The following CDH13 variants were observed in gnomAD, a reference collection of about 807,000 sequenced individuals.
CDH13 encodes the protein cadherin-13.
A neutral mutation model predicts 63.8 loss-of-function variants in CDH13; 24 were observed. The ratio of observed to expected loss-of-function variants is 0.38; its 90% CI spans 0.27 to 0.53. The LOEUF is 0.53. CDH13 is among the 20% of genes least tolerant of loss of function. CDH13 has a pLI of 0.85. For synonymous variants in CDH13, 503 were observed against 355.3 expected (o/e 1.42, Z -4.67); for missense variants, 1,049 against 903.1 (o/e 1.16, Z -2.07).
chr16:82,880,937 G>A (rs777650002), intron 2 of CDH13, among the ~76,000 whole-genome samples: 4 of 152,006 alleles, frequency 2.6e-5, no homozygotes, highest in Middle Eastern at 3.2e-3. Context: ...AAAACCAATG[G>A]GATAAACTTT....
intron 8 of CDH13, among the ~76,000 whole-genome samples, chr16:83,632,678 C>A (rs1490349854): frequency 6.7e-6 from 1 of 149,170 alleles, no homozygotes; most frequent in African/African-American, 2.5e-5. Context: ...AGATCCAGAT[C>A]CCAAGAGAGT....
intron 6 of CDH13, among the ~76,000 whole-genome samples, chr16:83,485,161 G>A (rs2073857854): frequency 6.6e-6 from 1 of 152,216 alleles, no homozygotes; most frequent in Non-Finnish European, 1.5e-5. Flanking sequence ...CCCTGTTGAT[G>A]AACAGCTAGG....
At chr16:83,065,339 C>T (rs1226004005) in intron 3 of CDH13, among the ~76,000 whole-genome samples, 3 of 152,244 alleles carry the variant, frequency 2.0e-5, no homozygotes, top group East Asian at 1.9e-4. Context: ...ATGTTGAATG[C>T]TGGTACAAAG....
intron 1 of CDH13, among the ~76,000 whole-genome samples, chr16:82,833,609 A>G (rs1188818121): frequency 6.6e-6 from 1 of 152,206 alleles, no homozygotes; most frequent in Non-Finnish European, 1.5e-5. Context: ...ATGAAGATGG[A>G]AAATGATTCC....
chr16:83,700,948 G>T (rs904136466), intron 10 of CDH13, among the ~76,000 whole-genome samples: 1 of 152,040 alleles, frequency 6.6e-6, no homozygotes, highest in African/African-American at 2.4e-5. Context: ...TGTTTAAGAG[G>T]AATCTATTTA....
Position 83,146,193 on chromosome 16 carries a change from C to CAAAAAAA in CDH13, c.483+20703_483+20709dup, listed in dbSNP as rs749952847. Among the ~76,000 whole-genome samples, 233 of 97,420 alleles carry CAAAAAAA rather than the reference C, an allele frequency of 2.4e-3. 2 individuals carry two copies. The highest frequency in any genetic ancestry group is 8.4e-3 in the East Asian group (25 of 2,962). The allele number at this position is 97,420 out of a possible 152,430, so 63.9% of individuals were successfully genotyped here. On this transcript the variant is annotated intron_variant, in intron 4 of 13. Coordinates refer to ENST00000567109, the MANE Select transcript of CDH13 (RefSeq NM_001257.5). Reference sequence around the variant, plus strand: ...TGGGCGACAGAGCAAGACTCTGTCTCAAAAAAAAAAAAAAAAAGAAAAGAA... The same window carrying CAAAAAAA: ...TGGGCGACAGAGCAAGACTCTGTCTCAAAAAAAAAAAAAAAAAAAAAAAAGAAAAGAA...
At position 83,332,335 on chromosome 16, in the gene CDH13, T is replaced by C. The variant is rs530926173; in HGVS notation, c.637-12527T>C. On this transcript the variant is annotated intron_variant, in intron 5 of 13. Transcript: ENST00000567109. ...TATTCAATGACTTTATTCCTCCTAA[T>C]ACTTAAATCCATCTGGAATTCATTA... Among the ~76,000 whole-genome samples, 10 of 152,278 alleles carry C rather than the reference T, an allele frequency of 6.6e-5. No individual in the cohort carries two copies. The East Asian group carries it at 1.9e-3, about 29-fold the overall frequency.
chr16:83,367,212 T>C (rs1597843783), intron 6 of CDH13, among the ~76,000 whole-genome samples: 1 of 152,214 alleles, frequency 6.6e-6, no homozygotes, highest in African/African-American at 2.4e-5. Flanking sequence ...TTCATATAAA[T>C]GCAGTCATGC....
At position 83,460,987 on chromosome 16, in the gene CDH13, ACACACACG is replaced by A. The variant is rs1301920118; in HGVS notation, c.782-25482_782-25475del. Among the ~76,000 whole-genome samples the A allele has an allele frequency of 3.3e-3, 394 of 120,150 alleles. 1 individual carries two copies. The highest frequency in any genetic ancestry group is 0.011 in the African/African-American group (373 of 32,800). 78.8% of individuals were successfully genotyped at this position (120,150 alleles called of 152,430 possible). ...AGAATTAGACCTTGTCTCAAAACAC[ACACACACG>A]CACACACACACACACACACACACAC... On this transcript the variant is annotated intron_variant, in intron 6 of 13. Transcript: ENST00000567109.
At chr16:83,647,077 G>A (rs973767184) in intron 8 of CDH13, among the ~76,000 whole-genome samples, 6 of 152,032 alleles carry the variant, frequency 3.9e-5, no homozygotes, top group South Asian at 2.1e-4. Flanking sequence ...TTGGGAGGCC[G>A]AGGAGGGCGG....
chr16:83,348,621 G>A (rs988731226), intron 6 of CDH13, among the ~76,000 whole-genome samples: 2 of 152,188 alleles, frequency 1.3e-5, no homozygotes, highest in African/African-American at 4.8e-5. Flanking sequence ...TACACTGAGC[G>A]TCACAAATTA....
At chr16:83,660,714 T>C (rs1329013857) in intron 8 of CDH13, among the ~76,000 whole-genome samples, 1 of 152,246 alleles carries the variant, frequency 6.6e-6, no homozygotes, top group East Asian at 1.9e-4. Context: ...TTATTGTTTC[T>C]TGAAAAGCCA....
chr16:82,842,522 C>G (rs1186611715), intron 1 of CDH13, among the ~76,000 whole-genome samples: 1 of 152,014 alleles, frequency 6.6e-6, no homozygotes, highest in Non-Finnish European at 1.5e-5. Flanking sequence ...AGTGACCTTA[C>G]TCACCCCTCC....
In CDH13 at chr16:83,347,251, G is replaced by A. The variant is rs77629282; in HGVS notation, c.781+2245G>A. On this transcript the variant is annotated intron_variant, in intron 6 of 13. Coordinates refer to ENST00000567109, the MANE Select transcript of CDH13 (RefSeq NM_001257.5). ...ACCCTAACTGGCTATAAAAATGATC[G>A]TCTCTTGTATTTCCATTATGCTCTG... Among the ~76,000 whole-genome samples the A allele has an allele frequency of 3.8e-3, 576 of 151,024 alleles. 4 individuals carry two copies. The highest frequency in any genetic ancestry group is 0.013 in the African/African-American group (547 of 41,116).
intron 1 of CDH13, among the ~76,000 whole-genome samples, chr16:82,631,251 G>T (rs1907974736): frequency 6.6e-6 from 1 of 152,220 alleles, no homozygotes; most frequent in African/African-American, 2.4e-5. Flanking sequence ...TACGCAATGT[G>T]AGGAAGTTCT....
intron 2 of CDH13, among the ~76,000 whole-genome samples, chr16:82,979,222 A>G (rs1445982572): frequency 1.3e-5 from 2 of 152,216 alleles, no homozygotes; most frequent in African/African-American, 4.8e-5. Flanking sequence ...TGGATTTTAC[A>G]GGCTTGTAGG....
chr16:83,380,369 C>A (rs1226284998), intron 6 of CDH13, among the ~76,000 whole-genome samples: 1 of 152,100 alleles, frequency 6.6e-6, no homozygotes, highest in Non-Finnish European at 1.5e-5. Context: ...AGGAAGGTAA[C>A]CATCATTGGT....
chr16:82,700,109 G>T (rs1264563883), intron 1 of CDH13, among the ~76,000 whole-genome samples: 1 of 152,186 alleles, frequency 6.6e-6, no homozygotes. Flanking sequence ...GCTGAGAAGG[G>T]TTATAGCATC....
At chr16:83,779,550 T>C (rs1915373569) in intron 11 of CDH13, among the ~76,000 whole-genome samples, 1 of 151,824 alleles carries the variant, frequency 6.6e-6, no homozygotes, top group East Asian at 1.9e-4. Flanking sequence ...GGGCTGGGCA[T>C]GGTGGCTCAC....
Sources: gnomAD v4.1 joint callset for allele counts (sites outside exome capture counted in the v4.1 genomes callset) on GRCh38, gnomAD v4.1.1 for gene constraint, MANE v1.5 for transcripts, NCBI Gene and HGNC (gene_info 2026-07-23, HGNC 2026-07-21) for gene names.